Variants in LCLAT1 observed in about 807,000 individuals in gnomAD.
LCLAT1 encodes the protein lysocardiolipin acyltransferase 1.
LCLAT1 carries 11 observed loss-of-function variants against 30.7 expected under a neutral mutation model. The observed-to-expected ratio is 0.36, with a 90% confidence interval of 0.23 to 0.59. The LOEUF (loss-of-function observed/expected upper bound fraction) is 0.59, where lower values mean the gene tolerates loss of function less well. LCLAT1 is among the 20% of genes least tolerant of loss of function. The pLI, the probability that LCLAT1 is intolerant of heterozygous loss-of-function variation, is 0.77. For synonymous variants in LCLAT1, 155 were observed against 151.3 expected (o/e 1.02, Z -0.18); for missense variants, 402 against 458.6 (o/e 0.88, Z 1.13).
chr2:30,617,446 C>T (rs907682802), intron 5 of LCLAT1, among the ~76,000 whole-genome samples: 1 of 152,100 alleles, frequency 6.6e-6, no homozygotes, highest in African/African-American at 2.4e-5. Flanking sequence ...CTGATAGACA[C>T]CTGCGTTATT....
chr2:30,469,215 C>G (rs536866670), intron 1 of LCLAT1, among the ~76,000 whole-genome samples: 1 of 151,696 alleles, frequency 6.6e-6, no homozygotes, highest in Admixed American at 6.6e-5. Flanking sequence ...TGATGGTGGT[C>G]TTTCACGTGC....
intron 1 of LCLAT1, among the ~76,000 whole-genome samples, chr2:30,465,057 G>A (rs897263186): frequency 6.6e-6 from 1 of 152,024 alleles, no homozygotes; most frequent in African/African-American, 2.4e-5. Context: ...GCTGAAAATG[G>A]TTCTCTAAAA....
At chr2:30,492,187 A>G (rs145266517) in intron 1 of LCLAT1, among the ~76,000 whole-genome samples, 45 of 152,324 alleles carry the variant, frequency 3.0e-4, no homozygotes, top group African/African-American at 1.0e-3. Context: ...TAAGACATAC[A>G]TGAAAAAAGT....
intron 3 of LCLAT1, among the ~76,000 whole-genome samples, chr2:30,560,792 C>G (rs1665180488): frequency 6.6e-6 from 1 of 152,180 alleles, no homozygotes; most frequent in African/African-American, 2.4e-5. Flanking sequence ...TATTATTCCT[C>G]TATTCCTGCA....
intron 5 of LCLAT1, among the ~76,000 whole-genome samples, chr2:30,620,540 T>C (rs1224542996): frequency 6.6e-6 from 1 of 152,172 alleles, no homozygotes; most frequent in Non-Finnish European, 1.5e-5. Context: ...ATTTAGAAAA[T>C]TAGAAGTCTC....
intron 2 of LCLAT1, among the ~76,000 whole-genome samples, chr2:30,531,432 T>C (rs891650867): frequency 1.3e-5 from 2 of 152,170 alleles, no homozygotes; most frequent in Admixed American, 1.3e-4. Context: ...TTTTGAAAAT[T>C]TGATGAAAAC....
chr2:30,499,911 T>C (rs1007334309), intron 1 of LCLAT1, among the ~76,000 whole-genome samples: 3 of 152,224 alleles, frequency 2.0e-5, no homozygotes, highest in African/African-American at 7.2e-5. Context: ...AATAGAGTTC[T>C]ATGGTCATTC....
chr2:30,640,727 C>T lies in LCLAT1; in HGVS notation c.*108C>T, dbSNP rs1039335018. Reference sequence around the variant, plus strand: ...TGACTATGTCGAATATTTCTTACTGCCATCATTATTTGTTAAAGATATTTT... The same window carrying T: ...TGACTATGTCGAATATTTCTTACTGTCATCATTATTTGTTAAAGATATTTT... On this transcript the variant is annotated 3_prime_UTR_variant, in exon 6 of 6. Transcript: ENST00000379509. 2.8e-5 allele frequency: 36 copies of T among 1,272,186 alleles called. 1 individual carries two copies. The highest frequency in any genetic ancestry group is 6.3e-5 in the South Asian group (4 of 63,862). 78.8% of individuals were successfully genotyped at this position (1,272,186 alleles called of 1,614,324 possible). A position where few individuals can be genotyped will look rare whatever the true frequency, so the allele number is the denominator to read the frequency against.
chr2:30,523,008 T>C (rs543779827), intron 1 of LCLAT1, among the ~76,000 whole-genome samples: 1 of 152,032 alleles, frequency 6.6e-6, no homozygotes, highest in African/African-American at 2.4e-5. Context: ...AAATCAGAAA[T>C]TGGTGAGGAA....
intron 1 of LCLAT1, among the ~76,000 whole-genome samples, chr2:30,507,133 T>C (rs1684704013): frequency 6.6e-6 from 1 of 152,164 alleles, no homozygotes; most frequent in African/African-American, 2.4e-5. Flanking sequence ...ACTTTAATTT[T>C]ATGTATTTGA....
chr2:30,595,692 A>G (rs112411617), intron 5 of LCLAT1, among the ~76,000 whole-genome samples: 6 of 152,262 alleles, frequency 3.9e-5, no homozygotes, highest in African/African-American at 1.4e-4. Flanking sequence ...GGTTTGTTAC[A>G]TAGGAAAATG....
chr2:30,466,652 A>C (rs553841980), intron 1 of LCLAT1, among the ~76,000 whole-genome samples: 49 of 152,114 alleles, frequency 3.2e-4, no homozygotes, highest in African/African-American at 1.2e-3. Context: ...ACTTTGGTGA[A>C]TATCAGTCTC....
chr2:30,520,982 G>C (rs955211305), intron 1 of LCLAT1, among the ~76,000 whole-genome samples: 1 of 152,120 alleles, frequency 6.6e-6, no homozygotes, highest in African/African-American at 2.4e-5. Context: ...GACAGTTAAG[G>C]CATTCTGAGT....
chr2:30,572,007 C>A (rs1021789658), intron 5 of LCLAT1, among the ~76,000 whole-genome samples: 8 of 152,146 alleles, frequency 5.3e-5, no homozygotes, highest in African/African-American at 1.9e-4. Context: ...ACCTGGTGAC[C>A]TGCACATCAT....
Position 30,643,629 on chromosome 2 carries a change from T to A in LCLAT1, c.*3010T>A, listed in dbSNP as rs1199664839. On this transcript the variant is annotated 3_prime_UTR_variant, in exon 6 of 6. Coordinates refer to ENST00000379509, the MANE Select transcript of LCLAT1 (RefSeq NM_001002257.3). Reference sequence around the variant, plus strand: ...ACTCTGAACTCTGCAGAAACATTTGTTTCACCCAGACTTCAAACTCTAGCC... The same window carrying A: ...ACTCTGAACTCTGCAGAAACATTTGATTCACCCAGACTTCAAACTCTAGCC... 6.6e-6 allele frequency: 1 copy of A among 152,556 alleles called. No individual in the cohort carries two copies. The highest frequency in any genetic ancestry group is 1.5e-5 in the Non-Finnish European group (1 of 68,030). The allele number at this position is 152,556 out of a possible 1,614,324, so 9.5% of individuals were successfully genotyped here.
At chr2:30,599,685 T>TTTATCATTATA (rs1667091104) in intron 5 of LCLAT1, among the ~76,000 whole-genome samples, 1 of 152,116 alleles carries the variant, frequency 6.6e-6, no homozygotes. Flanking sequence ...AATTGAACCC[T>TTTATCATTATA]TTATCATTAT....
chr2:30,475,069 C>G (rs904756392), intron 1 of LCLAT1, among the ~76,000 whole-genome samples: 2 of 152,048 alleles, frequency 1.3e-5, no homozygotes, highest in Non-Finnish European at 2.9e-5. Context: ...ACAATCATAG[C>G]TCATTGTATC....
At chr2:30,574,147 A>AAATAAT (rs915968229) in intron 5 of LCLAT1, among the ~76,000 whole-genome samples, 3 of 151,880 alleles carry the variant, frequency 2.0e-5, no homozygotes, top group Admixed American at 1.3e-4. Flanking sequence ...TGTCTCAAAA[A>AAATAAT]AATAATAATA....
At position 30,562,252 on chromosome 2, in the gene LCLAT1, A is replaced by G. The variant is rs748816918; in HGVS notation, c.471A>G (p.Pro157=). ...ATTACTTTTGTGATATTCACGAACC[A>G]CTTCAACTCCTCATATTCCCAGAAG... ...MIDYFCDIHE[P]LQLLIFPEGT... The change falls in exon 4 of 6, where the codon CCA becomes CCG. Residue 157 remains proline, a synonymous_variant. Transcript: ENST00000379509. 3.7e-6 allele frequency: 6 copies of G among 1,612,344 alleles called. No individual in the cohort carries two copies. Among genetic ancestry groups the G allele is most frequent in the Non-Finnish European group, 5.1e-6 (6 of 1,178,906 alleles).
Sources: gnomAD v4.1 joint callset for allele counts (sites outside exome capture counted in the v4.1 genomes callset) on GRCh38, gnomAD v4.1.1 for gene constraint, MANE v1.5 for transcripts, NCBI Gene and HGNC (gene_info 2026-07-23, HGNC 2026-07-21) for gene names.